The following PSPC1 variants were observed in gnomAD, a reference collection of about 807,000 sequenced individuals.
PSPC1 encodes the protein paraspeckle protein 1.
A neutral mutation model predicts 51.6 loss-of-function variants in PSPC1; 14 were observed. The observed-to-expected ratio is 0.27, with a 90% confidence interval of 0.18 to 0.42. The LOEUF is 0.42. Ranked by LOEUF, PSPC1 falls within the 10% of genes least tolerant of loss-of-function variation. PSPC1 has a pLI of 1.00. For synonymous variants in PSPC1, 193 were observed against 231.9 expected, an observed-to-expected ratio of 0.83 and a Z score of 1.53; for missense variants, 406 against 701.1, an observed-to-expected ratio of 0.58 and a Z score of 4.75.
In PSPC1 at chr13:19,772,321, C is replaced by A. The variant is rs1282786203; in HGVS notation, c.595G>T (p.Gly199Cys). ...VDDRGRATGK[G>C]FVEFAAKPPA... ...GGTTTTGCTGCAAACTCTACAAAAC[C>A]TTTTCCTGTAGCTCTACCGCGATCA... Residue 199 changes from glycine to cysteine, a missense_variant, in exon 2 of 9, where the codon GGT (glycine) becomes TGT (cysteine). Around this residue, in one of 5 missense-constraint regions of PSPC1, gnomAD observed 180 missense variants for 337.9 expected, o/e 0.53. Transcript: ENST00000338910. 1 of 1,614,112 alleles carries A rather than the reference C, an allele frequency of 6.2e-7. No individual in the cohort carries two copies. The highest frequency in any genetic ancestry group is 8.5e-7 in the Non-Finnish European group (1 of 1,180,060).
chr13:19,782,587 C>T lies in PSPC1; in HGVS notation c.171G>A (p.Pro57=), dbSNP rs765707788. The T allele has an allele frequency of 1.3e-6, 2 of 1,596,692 alleles. No individual in the cohort carries two copies. Among genetic ancestry groups the T allele is most frequent in the African/African-American group, 1.4e-5 (1 of 72,690 alleles). The change falls in exon 1 of 9, where the codon CCG becomes CCA. Residue 57 remains proline (P), a synonymous_variant. Transcript: ENST00000338910. This position sits in a 1 kb window ranked among gnomAD's most constrained non-coding sequence, Gnocchi z 4.5. ...CGATAGTGAACCCCATCTCCTCGTC[C>T]GGGTGGTCCTCTGGAGGCGCGGGCG... is the stretch of plus-strand genomic sequence containing the variant. ...PPAPAPPEDH[P]DEEMGFTIDI...
rs34384488 is a variant in PSPC1 at position 19,734,997 on chromosome 13, C to CAA, written c.1053-4655_1053-4654dup. 8.7e-3 allele frequency among the ~76,000 whole-genome samples: 1,283 copies of CAA among 147,586 alleles called. 12 individuals carry two copies. Among genetic ancestry groups the CAA allele is most frequent in the African/African-American group, 0.023 (920 of 40,598 alleles). On this transcript the variant is annotated intron_variant, in intron 5 of 8. Transcript: ENST00000338910. ...CGTCTCAAAAAATCAAACAAACAAA[C>CAA]AAACAAAAAAAACAAAGAAAGGAAG...
At chr13:19,681,645 T>C (rs987899245) in intron 6 of PSPC1, among the ~76,000 whole-genome samples, 17 of 152,248 alleles carry the variant, frequency 1.1e-4, no homozygotes, top group African/African-American at 4.1e-4. Flanking sequence ...AGATGTTCAC[T>C]GTTCAACAGC....
chr13:19,711,082 C>A (rs570620537), intron 6 of PSPC1, among the ~76,000 whole-genome samples: 133 of 152,238 alleles, frequency 8.7e-4, no homozygotes, highest in African/African-American at 3.1e-3. Flanking sequence ...CTCAAGCAAT[C>A]CTCCTGCCTC....
chr13:19,750,222 G>C (rs1886394939), intron 4 of PSPC1, among the ~76,000 whole-genome samples: 1 of 152,118 alleles, frequency 6.6e-6, no homozygotes, highest in East Asian at 1.9e-4. Flanking sequence ...CAGAAATTCA[G>C]ACAGGCAGCT....
intron 2 of PSPC1, among the ~76,000 whole-genome samples, chr13:19,763,426 G>C (rs1887770679): frequency 6.6e-6 from 1 of 152,084 alleles, no homozygotes; most frequent in Admixed American, 6.6e-5. Context: ...TTACTGCTTG[G>C]GTTTTTGTTT....
intron 2 of PSPC1, among the ~76,000 whole-genome samples, chr13:19,771,840 C>A (rs1348282569): frequency 6.6e-6 from 1 of 152,132 alleles, no homozygotes; most frequent in East Asian, 1.9e-4. Context: ...CCAGGCTGGT[C>A]ATGAACTCCT....
intron 6 of PSPC1, 106 bp from the exon 7 acceptor site, chr13:19,709,705 A>G: frequency 9.5e-7 from 1 of 1,051,264 alleles, no homozygotes; most frequent in Non-Finnish European, 1.4e-6. Context: ...ATTTTTCATT[A>G]AAAATTTTGA....
chr13:19,718,179 TAA>T (rs2137833458), intron 6 of PSPC1, among the ~76,000 whole-genome samples: 1 of 152,290 alleles, frequency 6.6e-6, no homozygotes, highest in East Asian at 1.9e-4. Flanking sequence ...TTCAGGCAAT[TAA>T]AAACAACAAT....
chr13:19,738,673 T>C (rs1885104303), intron 5 of PSPC1, among the ~76,000 whole-genome samples: 1 of 152,180 alleles, frequency 6.6e-6, no homozygotes, highest in Non-Finnish European at 1.5e-5. Flanking sequence ...TTTGGGAGGC[T>C]GAGGCGGGAG....
Position 19,705,493 on chromosome 13 carries a change from CA to C in PSPC1, c.1386+168del, listed in dbSNP as rs397797926. ...GGCAATAGTGCGAGACTCTCTGTCT[CA>C]AAAAAAAAAAAAACTATCTGTAACA... On this transcript the variant is annotated intron_variant, in intron 8 of 8. Transcript: ENST00000338910. Among the ~76,000 whole-genome samples the C allele has an allele frequency of 1.5e-3, 191 of 129,182 alleles. 2 individuals carry two copies. Among genetic ancestry groups the C allele is most frequent in the African/African-American group, 3.3e-3 (119 of 35,724 alleles). 84.7% of individuals were successfully genotyped at this position (129,182 alleles called of 152,430 possible).
Position 19,782,907 on chromosome 13 carries a change from C to A in PSPC1, c.-150G>T. On this transcript the variant is annotated 5_prime_UTR_variant, in exon 1 of 9. Transcript: ENST00000338910. The surrounding 1 kb of genome is among the most constrained non-coding windows in gnomAD (Gnocchi z 4.5). ...TAGGCGAGTCGGCAACCCGTCCTCC[C>A]CCAACTCACGCCCGCTGCAGCTGCA... 6.1e-6 allele frequency: 5 copies of A among 815,938 alleles called. 1 individual carries two copies. Among genetic ancestry groups the A allele is most frequent in the South Asian group, 6.9e-5 (2 of 28,966 alleles). The allele number at this position is 815,938 out of a possible 1,614,324, so 50.5% of individuals were successfully genotyped here.
intron 7 of PSPC1, chr13:19,677,706 G>A: frequency 2.3e-6 from 1 of 434,254 alleles, no homozygotes; most frequent in Non-Finnish European, 4.5e-6. Flanking sequence ...AGAAAATAAT[G>A]AGCAGATACG....
chr13:19,750,740 C>G (rs1375730113), intron 4 of PSPC1, among the ~76,000 whole-genome samples: 1 of 151,856 alleles, frequency 6.6e-6, no homozygotes, highest in Non-Finnish European at 1.5e-5. Context: ...CAAATTACCT[C>G]CAACACTACT....
At chr13:19,673,653 A>C (rs115280440), downstream of PSPC1, among the ~76,000 whole-genome samples, 2,183 of 152,300 alleles carry the variant, frequency 0.014, 51 homozygotes, top group African/African-American at 0.05. Context: ...GGAGGAGTCC[A>C]ACTATAGATG....
chr13:19,710,961 C>T (rs1297284406), intron 6 of PSPC1, among the ~76,000 whole-genome samples: 1 of 151,836 alleles, frequency 6.6e-6, no homozygotes, highest in Non-Finnish European at 1.5e-5. Context: ...CCTCAGCTTC[C>T]CGAATAGATG....
intron 4 of PSPC1, among the ~76,000 whole-genome samples, chr13:19,743,907 A>T (rs999255570): frequency 6.6e-6 from 1 of 152,106 alleles, no homozygotes; most frequent in Non-Finnish European, 1.5e-5. Flanking sequence ...CGGGAGTTGG[A>T]GGCCAGCCTG....
chr13:19,752,430 ATG>A (rs1056040353), intron 3 of PSPC1, among the ~76,000 whole-genome samples: 9 of 152,208 alleles, frequency 5.9e-5, no homozygotes, highest in African/African-American at 2.2e-4. Flanking sequence ...ATACATATAT[ATG>A]TAAATATTTA....
intron 6 of PSPC1, among the ~76,000 whole-genome samples, chr13:19,720,597 C>A (rs1882646809): frequency 6.6e-6 from 1 of 152,086 alleles, no homozygotes; most frequent in Non-Finnish European, 1.5e-5. Flanking sequence ...TCATTTTTTA[C>A]ACATTTAAGT....
Sources: gnomAD v4.1 joint callset for allele counts (sites outside exome capture counted in the v4.1 genomes callset) on GRCh38, gnomAD v4.1.1 for gene constraint, gnomAD v4.1.1 regional missense constraint, Gnocchi (gnomAD v3.1) non-coding constraint, MANE v1.5 for transcripts, NCBI Gene and HGNC (gene_info 2026-07-23, HGNC 2026-07-21) for gene names.